The following CUX2 variants were observed in gnomAD, a reference collection of about 807,000 sequenced individuals.
CUX2 encodes the protein cut like homeobox 2.
In CUX2, 40 loss-of-function variants were observed where a neutral mutation model predicts 144.8. The ratio of observed to expected loss-of-function variants is 0.28; its 90% CI spans 0.21 to 0.36. CUX2 has a LOEUF of 0.36. Ranked by LOEUF, CUX2 falls within the 10% of genes least tolerant of loss-of-function variation. The pLI, the probability that CUX2 is intolerant of heterozygous loss-of-function variation, is 1.00. For missense variants in CUX2, 1,615 were observed against 1,994.0 expected, an observed-to-expected ratio of 0.81 and a Z score of 3.62; for synonymous variants, 827 against 875.6, an observed-to-expected ratio of 0.94 and a Z score of 0.98.
At chr12:111,159,365 G>C (rs1246952783) in intron 1 of CUX2, among the ~76,000 whole-genome samples, 1 of 150,776 alleles carries the variant, frequency 6.6e-6, no homozygotes, top group African/African-American at 2.4e-5. Flanking sequence ...ACCCAGACTG[G>C]TCTTGACCTC....
At chr12:111,218,499 G>A (rs1881673588) in intron 3 of CUX2, among the ~76,000 whole-genome samples, 1 of 152,180 alleles carries the variant, frequency 6.6e-6, no homozygotes, top group African/African-American at 2.4e-5. Flanking sequence ...CTGGGTGACA[G>A]AGCGAGACCC....
At chr12:111,137,084 C>G (rs1398034136) in intron 1 of CUX2, among the ~76,000 whole-genome samples, 3 of 151,316 alleles carry the variant, frequency 2.0e-5, no homozygotes, top group Non-Finnish European at 2.9e-5. Context: ...ACCACAGGCA[C>G]GAGCCACCAC....
At chr12:111,314,638 CT>C (rs1565912570) in intron 16 of CUX2, among the ~76,000 whole-genome samples, 5 of 47,670 alleles carry the variant, frequency 1.0e-4, no homozygotes, top group African/African-American at 7.8e-4. Context: ...AAAACTCAGT[CT>C]AAAAAAAAAA....
intron 6 of CUX2, among the ~76,000 whole-genome samples, chr12:111,294,572 G>A (rs1885866084): frequency 1.5e-5 from 2 of 134,894 alleles, no homozygotes; most frequent in Non-Finnish European, 3.0e-5. Flanking sequence ...AACAGAGCAA[G>A]ACCCTATCTT....
Position 111,320,941 on chromosome 12 carries a change from G to A in CUX2, c.2766+166G>A, listed in dbSNP as rs2136401419. Among the ~76,000 whole-genome samples the A allele has an allele frequency of 6.6e-6, 1 of 152,314 alleles. No individual in the cohort carries two copies. The highest frequency in any genetic ancestry group is 1.5e-5 in the Non-Finnish European group (1 of 68,020). On this transcript the variant is annotated intron_variant, in intron 17 of 21. Coordinates refer to ENST00000261726, the MANE Select transcript of CUX2 (RefSeq NM_015267.4). This position sits in a 1 kb window ranked among gnomAD's most constrained non-coding sequence, Gnocchi z 8.1. ...AAGGAGGGCCACTGTTCTGCTCCGTGGTTGTTAAAACCAGGAAATGCTTCC... is the reference window on the plus strand; with the variant it reads ...AAGGAGGGCCACTGTTCTGCTCCGTAGTTGTTAAAACCAGGAAATGCTTCC...
At chr12:111,108,234 C>T (rs1420138326) in intron 1 of CUX2, among the ~76,000 whole-genome samples, 3 of 152,190 alleles carry the variant, frequency 2.0e-5, no homozygotes, top group Non-Finnish European at 4.4e-5. Context: ...CTTCTCCATG[C>T]ATTGGATCAG....
intron 1 of CUX2, among the ~76,000 whole-genome samples, chr12:111,141,227 AAC>A (rs111451932): frequency 2.0e-3 from 289 of 146,402 alleles, no homozygotes; most frequent in Middle Eastern, 3.5e-3. Context: ...GGCTTAGGTC[AAC>A]ACACACACAC....
intron 1 of CUX2, among the ~76,000 whole-genome samples, chr12:111,152,576 C>T (rs758165671): frequency 6.6e-6 from 1 of 152,194 alleles, no homozygotes; most frequent in Non-Finnish European, 1.5e-5. Flanking sequence ...AACATATACA[C>T]GATGCAGGCC....
intron 1 of CUX2, among the ~76,000 whole-genome samples, chr12:111,082,500 G>C (rs1372925559): frequency 1.3e-5 from 2 of 152,116 alleles, no homozygotes; most frequent in African/African-American, 2.4e-5. Flanking sequence ...GAAAATGTCT[G>C]AGAAAATCAA....
rs544915357 is a variant in CUX2, at chr12:111,334,676, G to A, written c.3162G>A (p.Lys1054=). 9.5e-5 allele frequency: 153 copies of A among 1,612,636 alleles called. 3 individuals carry two copies. In the South Asian group the frequency reaches 1.6e-3, roughly 17 times the overall value. ...AGCTGGACACGTACTCCATCACCAAGAGGGTGAAGGAGGTCCTCACAGACA... is the reference window on the plus strand; with the variant it reads ...AGCTGGACACGTACTCCATCACCAAAAGGGTGAAGGAGGTCCTCACAGACA... ...SPELDTYSIT[K]RVKEVLTDNN... The change falls in exon 19 of 22, where the codon AAG becomes AAA. Residue 1054 remains lysine (K), a synonymous_variant. Coordinates refer to ENST00000261726, the MANE Select transcript of CUX2 (RefSeq NM_015267.4).
In CUX2 at chr12:111,069,549, T is replaced by TGTGC. The variant is rs774594238; in HGVS notation, c.63+35311_63+35314dup. 3.6e-3 allele frequency among the ~76,000 whole-genome samples: 542 copies of TGTGC among 150,438 alleles called. 3 individuals carry two copies. The highest frequency in any genetic ancestry group is 0.013 in the African/African-American group (524 of 41,060). On this transcript the variant is annotated intron_variant, in intron 1 of 21. Coordinates refer to ENST00000261726, the MANE Select transcript of CUX2 (RefSeq NM_015267.4). ...GTGTGTGTGTGTGTGTGTGTGTGTG[T>TGTGC]GTGCGCGCGCGTGTGTGTGTGTTAT... is the stretch of plus-strand genomic sequence containing the variant.
intron 1 of CUX2, among the ~76,000 whole-genome samples, chr12:111,191,403 C>T (rs1200050421): frequency 6.6e-6 from 1 of 152,018 alleles, no homozygotes; most frequent in East Asian, 1.9e-4. Context: ...ATGATCTCAG[C>T]TCACTGCAAC....
chr12:111,267,214 A>AAAG (rs1884432121), intron 4 of CUX2, among the ~76,000 whole-genome samples: 5 of 149,166 alleles, frequency 3.4e-5, no homozygotes, highest in African/African-American at 1.3e-4. Context: ...AAAAAAAAAA[A>AAAG]AAAGAAAGAA....
chr12:111,114,420 T>A (rs1378367560), intron 1 of CUX2, among the ~76,000 whole-genome samples: 1 of 152,248 alleles, frequency 6.6e-6, no homozygotes, highest in Non-Finnish European at 1.5e-5. Context: ...TCATATATTT[T>A]GCCCATTGTT....
intron 1 of CUX2, among the ~76,000 whole-genome samples, chr12:111,084,033 C>T (rs140707800): frequency 2.0e-5 from 3 of 152,138 alleles, no homozygotes; most frequent in Admixed American, 6.5e-5. Context: ...GAGCTGAGGA[C>T]GGAAGGATGA....
intron 1 of CUX2, among the ~76,000 whole-genome samples, chr12:111,051,996 C>A (rs1425055864): frequency 6.6e-6 from 1 of 151,992 alleles, no homozygotes; most frequent in Non-Finnish European, 1.5e-5. Flanking sequence ...GCCTTTCATT[C>A]TTTTTTAATG....
chr12:111,252,852 A>T (rs566635472), intron 3 of CUX2, among the ~76,000 whole-genome samples: 1 of 151,318 alleles, frequency 6.6e-6, no homozygotes, highest in African/African-American at 2.4e-5. Context: ...ACATGAGCCC[A>T]GGAGTTCCAG....
At chr12:111,150,699 C>CT (rs1197876965) in intron 1 of CUX2, among the ~76,000 whole-genome samples, 1 of 121,386 alleles carries the variant, frequency 8.2e-6, no homozygotes, top group Non-Finnish European at 1.6e-5. Flanking sequence ...GTGGCTTCCT[C>CT]TTTCTGTAGC....
At chr12:111,073,784 AC>A (rs928106768) in intron 1 of CUX2, among the ~76,000 whole-genome samples, 4 of 151,910 alleles carry the variant, frequency 2.6e-5, no homozygotes, top group Non-Finnish European at 5.9e-5. Flanking sequence ...ACACAGGGAG[AC>A]CCTGTCTCTA....
Sources: gnomAD v4.1 joint callset for allele counts (sites outside exome capture counted in the v4.1 genomes callset) on GRCh38, gnomAD v4.1.1 for gene constraint, Gnocchi (gnomAD v3.1) non-coding constraint, MANE v1.5 for transcripts, NCBI Gene and HGNC (gene_info 2026-07-23, HGNC 2026-07-21) for gene names.